Variants in LONP1 observed in about 807,000 individuals in gnomAD.
LONP1 encodes the protein lon peptidase 1, mitochondrial.
LONP1 carries 31 observed loss-of-function variants against 98.5 expected under a neutral mutation model. That is an observed-to-expected ratio of 0.31 (90% confidence interval 0.24 to 0.42). LONP1 has a LOEUF of 0.42. LONP1 is among the 20% of genes least tolerant of loss of function. The pLI is 1.00. For synonymous variants in LONP1, 781 were observed against 594.7 expected, an observed-to-expected ratio of 1.31 and a Z score of -4.56; for missense variants, 1,336 against 1,350.6, an observed-to-expected ratio of 0.99 and a Z score of 0.17.
At chr19:5,709,602 G>A (rs908785714) in intron 4 of LONP1, among the ~76,000 whole-genome samples, 2 of 151,960 alleles carry the variant, frequency 1.3e-5, no homozygotes, top group Admixed American at 6.6e-5. Flanking sequence ...CTGGAGGTCC[G>A]GGGCACTTGC....
Position 5,720,117 on chromosome 19 carries a change from C to T in LONP1, c.16G>A (p.Gly6Ser). 1 of 1,431,808 alleles carries T rather than the reference C, an allele frequency of 7.0e-7. No individual in the cohort carries two copies. Among genetic ancestry groups the T allele is most frequent in the Admixed American group, 3.1e-5 (1 of 32,296 alleles). The allele number at this position is 1,431,808 out of a possible 1,614,324, so 88.7% of individuals were successfully genotyped here. A position where few individuals can be genotyped will look rare whatever the true frequency, so the allele number is the denominator to read the frequency against. Residue 6 changes from glycine (G) to serine (S), a missense_variant, in exon 1 of 18, where the codon GGC becomes AGC. Physicochemically the swap from Gly to Ser is moderately conservative, Grantham distance 56. Transcript: ENST00000360614. ...GCCGCTCCCCACAGTCGCACGTAGC[C>T]AGTGCTCGCCGCCATAGCCCGGCCA... MAASTGYVRLWGAARC... is the reference protein window; with the variant it reads MAASTSYVRLWGAARC...
At chr19:5,718,438 A>G (rs567197678) in intron 1 of LONP1, among the ~76,000 whole-genome samples, 112 of 151,244 alleles carry the variant, frequency 7.4e-4, no homozygotes, top group African/African-American at 2.3e-3. Flanking sequence ...AAATCGCGCC[A>G]CTGCACTTTA....
rs1282530826 is a variant in LONP1, at chr19:5,711,851, G to A, written c.790C>T (p.Pro264Ser). ...HPAELAMEPTPELPAEVLMVE... is the reference protein window; with the variant it reads ...HPAELAMEPTSELPAEVLMVE... Reference sequence around the variant, plus strand: ...ATGAGCACCTCAGCCGGGAGCTCAGGGGTGGGCTCCATCGCCAGCTCCGCC... The same window carrying A: ...ATGAGCACCTCAGCCGGGAGCTCAGAGGTGGGCTCCATCGCCAGCTCCGCC... Residue 264 changes from proline to serine, a missense_variant, in exon 4 of 18, where the codon CCT (proline) becomes TCT (serine). Around this residue, in one of 5 missense-constraint regions of LONP1, gnomAD observed 457 missense variants for 403.1 expected, o/e 1.13. Coordinates refer to ENST00000360614, the MANE Select transcript of LONP1 (RefSeq NM_004793.4). The A allele has an allele frequency of 6.2e-7, 1 of 1,612,724 alleles. No individual in the cohort carries two copies. Among genetic ancestry groups the A allele is most frequent in the African/African-American group, 1.3e-5 (1 of 74,924 alleles).
At chr19:5,698,928 C>T (rs927873881) in intron 10 of LONP1, 99 bp downstream of exon 10, 17 of 1,284,436 alleles carry the variant, frequency 1.3e-5, no homozygotes, top group Admixed American at 1.1e-4. Flanking sequence ...GCCCACAACC[C>T]GGATTGCTCT....
At chr19:5,698,529 C>T (rs567618568) in intron 10 of LONP1, among the ~76,000 whole-genome samples, 35 of 152,296 alleles carry the variant, frequency 2.3e-4, no homozygotes, top group African/African-American at 8.2e-4. Context: ...TGAGGCTGGC[C>T]GGGACGAGTG....
At chr19:5,693,268 G>C in intron 17 of LONP1, 30 bp downstream of exon 17, 3 of 1,585,966 alleles carry the variant, frequency 1.9e-6, no homozygotes, top group Non-Finnish European at 2.6e-6. Flanking sequence ...GGCCCTGCCA[G>C]TGCTGTGGGG....
At chr19:5,703,777 T>C (rs1053101110) in intron 8 of LONP1, among the ~76,000 whole-genome samples, 2 of 151,962 alleles carry the variant, frequency 1.3e-5, no homozygotes, top group Non-Finnish European at 2.9e-5. Flanking sequence ...TGCAGGCATC[T>C]TGGTGACACG....
chr19:5,719,782 G>A lies in LONP1; in HGVS notation c.351C>T (p.Ile117=), dbSNP rs746852002. 6 of 1,613,216 alleles carry A rather than the reference G, an allele frequency of 3.7e-6. No individual in the cohort carries two copies. The highest frequency in any genetic ancestry group is 5.1e-6 in the Non-Finnish European group (6 of 1,179,994). Residue 117 remains isoleucine, a synonymous_variant, in exon 1 of 18, where the codon ATC becomes ATT. Transcript: ENST00000360614. ...GCGGCAGGTGCGGAAACACATCGGGGATCGTCATGGGCGTGAGCGCCGTTA... is the reference window on the plus strand; with the variant it reads ...GCGGCAGGTGCGGAAACACATCGGGAATCGTCATGGGCGTGAGCGCCGTTA... ...PVITALTPMT[I]PDVFPHLPLI...
chr19:5,719,675 C>G, intron 1 of LONP1, 29 bp downstream of exon 1: 3 of 1,613,520 alleles, frequency 1.9e-6, no homozygotes, highest in Non-Finnish European at 1.7e-6. Flanking sequence ...AGGTGGGAAA[C>G]CTGAGGCCGA....
chr19:5,698,385 C>T (rs1459495598), intron 10 of LONP1, among the ~76,000 whole-genome samples: 7 of 152,194 alleles, frequency 4.6e-5, no homozygotes, highest in Non-Finnish European at 1.0e-4. Flanking sequence ...ACTGAGGCTA[C>T]GGTTTCCAAA....
chr19:5,703,162 C>G (rs2055086889), intron 8 of LONP1, among the ~76,000 whole-genome samples: 1 of 133,406 alleles, frequency 7.5e-6, no homozygotes, highest in Admixed American at 8.6e-5. Flanking sequence ...GCCTGGGCAA[C>G]AGAGTGAGAC....
Position 5,700,305 on chromosome 19 carries a change from G to A in LONP1, c.1506+484C>T, listed in dbSNP as rs541818549. The stretch of plus-strand genomic sequence containing the variant: ...ATTTTGTATTTTTAGTATAGATGGG[G>A]TTTCTCCATGTTGGTCAGGCTGGTC... On this transcript the variant is annotated intron_variant, in intron 9 of 17. Transcript: ENST00000360614. Among the ~76,000 whole-genome samples the A allele has an allele frequency of 5.9e-5, 9 of 152,272 alleles. No individual in the cohort carries two copies. In the South Asian group the frequency reaches 1.0e-3, roughly 18 times the overall value.
intron 14 of LONP1, 29 bp from the exon 15 acceptor site, chr19:5,694,581 CGGGA>C (rs1568311136): frequency 1.1e-5 from 18 of 1,598,324 alleles, no homozygotes; most frequent in Middle Eastern, 1.7e-4. Flanking sequence ...ACAATGGGCA[CGGGA>C]AGGTGGGGTG....
In LONP1 at chr19:5,695,869, A is replaced by G. The variant is rs3745626; in HGVS notation, c.2013+185T>C. Among the ~76,000 whole-genome samples, 445 of 152,038 alleles carry G rather than the reference A, an allele frequency of 2.9e-3. 8 individuals are homozygous for G. Among genetic ancestry groups the G allele is most frequent in the Admixed American group, 0.024 (365 of 15,280 alleles). ...GTCCCAGGCCCTAAACCCTGCGCCCACTCGCGCCACCTGCAGCTGCTCGCA... is the reference window on the plus strand; with the variant it reads ...GTCCCAGGCCCTAAACCCTGCGCCCGCTCGCGCCACCTGCAGCTGCTCGCA... On this transcript the variant is annotated intron_variant, in intron 13 of 17. Coordinates refer to ENST00000360614, the MANE Select transcript of LONP1 (RefSeq NM_004793.4).
chr19:5,717,910 T>C (rs74174338), intron 1 of LONP1, among the ~76,000 whole-genome samples: 2 of 141,020 alleles, frequency 1.4e-5, no homozygotes, highest in Non-Finnish European at 3.1e-5. Context: ...TTTTTTTTTG[T>C]AGAGACAGGG....
At position 5,705,763 on chromosome 19, in the gene LONP1, G is replaced by A. The variant is rs377201144; in HGVS notation, c.1367+9C>T. 5 of 1,613,250 alleles carry A rather than the reference G, an allele frequency of 3.1e-6. No individual in the cohort carries two copies. The highest frequency in any genetic ancestry group is 3.4e-6 in the Non-Finnish European group (4 of 1,179,672). On this transcript the variant is annotated intron_variant, in intron 8 of 17. Coordinates refer to ENST00000360614, the MANE Select transcript of LONP1 (RefSeq NM_004793.4). ...CTGAGGGCTGGGCCGCCCCGGGCCT[G>A]GCACTCACTTGAACTCCGAGGAGTG...
Position 5,707,999 on chromosome 19 carries a change from C to A in LONP1, c.933-173G>T, listed in dbSNP as rs547476731. ...CTTGTTCTCCAGAGTTCAGGGCCCACCCGTCCTGGGCTGGAAAGGCATGCA... is the reference window on the plus strand; with the variant it reads ...CTTGTTCTCCAGAGTTCAGGGCCCAACCGTCCTGGGCTGGAAAGGCATGCA... On this transcript the variant is annotated intron_variant, in intron 5 of 17. Transcript: ENST00000360614. 714 of 752,796 alleles carry A rather than the reference C, an allele frequency of 9.5e-4. 3 individuals carry two copies. The highest frequency in any genetic ancestry group is 1.9e-3 in the Middle Eastern group (5 of 2,566). The allele number at this position is 752,796 out of a possible 1,614,324, so 46.6% of individuals were successfully genotyped here. A position where few individuals can be genotyped will look rare whatever the true frequency, so the allele number is the denominator to read the frequency against.
Position 5,699,337 on chromosome 19 carries a change from C to T in LONP1, c.1507-132G>A, listed in dbSNP as rs922986640. ...GAAGGGACCAGGATTGTCCGGGAGGCTGAGCACATCAGAGCTGCCACTGGC... is the reference window on the plus strand; with the variant it reads ...GAAGGGACCAGGATTGTCCGGGAGGTTGAGCACATCAGAGCTGCCACTGGC... On this transcript the variant is annotated intron_variant, in intron 9 of 17. Transcript: ENST00000360614. 2.6e-5 allele frequency: 17 copies of T among 658,472 alleles called. No homozygotes were observed. The African/African-American group carries it at 3.0e-4, about 12-fold the overall frequency. The allele number at this position is 658,472 out of a possible 1,614,324, so 40.8% of individuals were successfully genotyped here.
intron 7 of LONP1, among the ~76,000 whole-genome samples, chr19:5,706,718 A>G (rs1416596376): frequency 6.6e-6 from 1 of 152,192 alleles, no homozygotes; most frequent in East Asian, 1.9e-4. Flanking sequence ...CTTAAGAAAC[A>G]GCATCTTCAC....
Sources: allele counts gnomAD v4.1 joint callset (sites outside exome capture counted in the v4.1 genomes callset), GRCh38; gene constraint gnomAD v4.1.1; regional missense constraint gnomAD v4.1.1; transcripts MANE v1.5; gene names NCBI Gene and HGNC (gene_info 2026-07-23, HGNC 2026-07-21).